METTL9: variants seen among roughly 807,000 people sequenced by gnomAD.
METTL9 encodes the protein methyltransferase 9, His-X-His N1(pi)-histidine.
Under a neutral mutation model 36.0 loss-of-function variants are expected in METTL9, and 10 were observed. The ratio of observed to expected loss-of-function variants is 0.28; its 90% CI spans 0.17 to 0.47. METTL9 has a LOEUF of 0.47. Among genes scored for constraint, METTL9 ranks in the 20% least tolerant of loss-of-function variants. METTL9 has a pLI of 0.99. For synonymous variants in METTL9, 175 were observed against 149.7 expected, an observed-to-expected ratio of 1.17 and a Z score of -1.23; for missense variants, 246 against 383.5, an observed-to-expected ratio of 0.64 and a Z score of 3.00.
chr16:21,600,117 G>C (rs1965076629), intron 1 of METTL9, among the ~76,000 whole-genome samples: 1 of 152,114 alleles, frequency 6.6e-6, no homozygotes, highest in Non-Finnish European at 1.5e-5. Context: ...TTGTTCCGCA[G>C]CGCAGGCGGG....
chr16:21,638,039 T>TGGGTGC (rs1966149870), intron 4 of METTL9, among the ~76,000 whole-genome samples: 1 of 152,208 alleles, frequency 6.6e-6, no homozygotes, highest in Admixed American at 6.5e-5. Flanking sequence ...CAGCTTAGGC[T>TGGGTGC]GGGTGCGGTG....
Position 21,647,253 on chromosome 16 carries a change from G to A in METTL9, c.752-7974G>A, listed in dbSNP as rs541756545. 5 of 1,614,146 alleles carry A rather than the reference G, an allele frequency of 3.1e-6. No individual in the cohort carries two copies. In the South Asian group the frequency reaches 5.5e-5, roughly 18 times the overall value. ...TTTGAAGTCACTCTGTTTACAGTGA[G>A]GGAAACTTGGTTTTCTTTGAGGGCC... On this transcript the variant is annotated intron_variant, in intron 4 of 4. Transcript: ENST00000358154.
At chr16:21,622,108 C>T (rs1435761937) in intron 3 of METTL9, among the ~76,000 whole-genome samples, 2 of 131,268 alleles carry the variant, frequency 1.5e-5, no homozygotes, top group South Asian at 2.4e-4. Flanking sequence ...TCCCAAAGTG[C>T]TAGGATTATA....
At chr16:21,637,826 G>A (rs1966144135) in intron 4 of METTL9, among the ~76,000 whole-genome samples, 1 of 152,270 alleles carries the variant, frequency 6.6e-6, no homozygotes, top group Non-Finnish European at 1.5e-5. Flanking sequence ...GCGGCGGGCT[G>A]AAGTGCTCCT....
intron 1 of METTL9, among the ~76,000 whole-genome samples, chr16:21,600,361 G>T (rs1057001581): frequency 1.3e-5 from 2 of 152,104 alleles, no homozygotes; most frequent in Non-Finnish European, 2.9e-5. Context: ...ATCCCAGAAC[G>T]TACAAAGGGT....
chr16:21,608,512 C>T (rs1467797557), intron 1 of METTL9, among the ~76,000 whole-genome samples: 3 of 152,118 alleles, frequency 2.0e-5, no homozygotes, highest in African/African-American at 4.8e-5. Flanking sequence ...CATAGTTAGG[C>T]TGGGATAGTG....
rs481016 is a variant in METTL9, at chr16:21,601,850, C to G, written c.165+1952C>G. On this transcript the variant is annotated intron_variant, in intron 1 of 4. Transcript: ENST00000358154. ...TGAATATTTGGGGGATGGGTCAACTCTTTTCCTTAGAATAATGAATCCAGA... is the reference window on the plus strand; with the variant it reads ...TGAATATTTGGGGGATGGGTCAACTGTTTTCCTTAGAATAATGAATCCAGA... Among the ~76,000 whole-genome samples, 1,333 of 151,818 alleles carry G rather than the reference C, an allele frequency of 8.8e-3. 45 individuals are homozygous for G. The highest frequency in any genetic ancestry group is 0.082 in the East Asian group (426 of 5,174).
intron 4 of METTL9, chr16:21,654,216 G>GT (rs1966653496): frequency 6.6e-6 from 1 of 151,688 alleles, no homozygotes; most frequent in Non-Finnish European, 1.5e-5. Flanking sequence ...TAATTTTTTT[G>GT]TATTTTTTTT....
chr16:21,643,969 A>G (rs1567344720), intron 4 of METTL9, among the ~76,000 whole-genome samples: 1 of 152,174 alleles, frequency 6.6e-6, no homozygotes, highest in Non-Finnish European at 1.5e-5. Context: ...TAACAGTAAT[A>G]TCTCGCCCTC....
At chr16:21,639,920 CTTTAT>C (rs1436082625) in intron 4 of METTL9, 112 of 147,560 alleles carry the variant, frequency 7.6e-4, no homozygotes, top group African/African-American at 2.5e-3. Flanking sequence ...AAAAGAAACA[CTTTAT>C]TTTATTTATT....
intron 4 of METTL9, chr16:21,643,281 T>C (rs1966327123): frequency 2.8e-6 from 2 of 705,754 alleles, no homozygotes; most frequent in Non-Finnish European, 5.0e-6. Context: ...CCAACACATA[T>C]GTGCCTACAG....
chr16:21,627,870 G>T (rs527238650), intron 4 of METTL9, among the ~76,000 whole-genome samples: 1 of 152,088 alleles, frequency 6.6e-6, no homozygotes, highest in Non-Finnish European at 1.5e-5. Context: ...GGAGAACGGC[G>T]TGAACCCAGG....
chr16:21,651,233 A>G (rs2141625278), intron 4 of METTL9, among the ~76,000 whole-genome samples: 1 of 152,276 alleles, frequency 6.6e-6, no homozygotes, highest in African/African-American at 2.4e-5. Context: ...AAACAAACAA[A>G]AAAGCCATAT....
chr16:21,610,907 A>G (rs1379526029), intron 1 of METTL9, among the ~76,000 whole-genome samples: 2 of 152,220 alleles, frequency 1.3e-5, no homozygotes, highest in East Asian at 1.9e-4. Flanking sequence ...AGTGGCCTCC[A>G]TATTACAGAG....
Position 21,656,365 on chromosome 16 carries a change from C to T in METTL9, c.*933C>T, listed in dbSNP as rs1412084557. ...AAAAATGTTTTAATTCAACTTCTTA[C>T]TCTACACTTATATACCTCTCTCCCA... On this transcript the variant is annotated 3_prime_UTR_variant, in exon 5 of 5. Transcript: ENST00000358154. 2 of 152,120 alleles carry T rather than the reference C, an allele frequency of 1.3e-5. No individual in the cohort carries two copies. Among genetic ancestry groups the T allele is most frequent in the African/African-American group, 4.8e-5 (2 of 41,424 alleles). 9.4% of individuals were successfully genotyped at this position (152,120 alleles called of 1,614,324 possible). A position where few individuals can be genotyped will look rare whatever the true frequency, so the allele number is the denominator to read the frequency against.
At chr16:21,618,144 T>G in intron 3 of METTL9, 70 bp downstream of exon 3, 1 of 1,121,252 alleles carries the variant, frequency 8.9e-7, no homozygotes, top group Non-Finnish European at 1.3e-6. Context: ...GAATAAAAAA[T>G]GATCTTCCAT....
intron 4 of METTL9, chr16:21,642,148 G>A (rs968362279): frequency 6.6e-6 from 1 of 150,960 alleles, no homozygotes; most frequent in Non-Finnish European, 1.5e-5. Flanking sequence ...TTCGTGAAGC[G>A]TTCCATATTT....
intron 1 of METTL9, among the ~76,000 whole-genome samples, chr16:21,605,275 TTTTTTTTTTTTTTTTTTTTTTG>T (rs1965251474): frequency 8.5e-6 from 1 of 118,310 alleles, no homozygotes; most frequent in Admixed American, 8.4e-5. Flanking sequence ...TTTTTTTTTT[TTTTTTTTTTTTTTTTTTTTTTG>T]AGAAACAAGT....
At chr16:21,630,027 CAG>C (rs1261350664) in intron 4 of METTL9, among the ~76,000 whole-genome samples, 2 of 152,182 alleles carry the variant, frequency 1.3e-5, no homozygotes, top group Non-Finnish European at 2.9e-5. Flanking sequence ...TAGCTAGACA[CAG>C]AGTGCTGATT....
Sources: gnomAD v4.1 joint callset for allele counts (sites outside exome capture counted in the v4.1 genomes callset) on GRCh38, gnomAD v4.1.1 for gene constraint, MANE v1.5 for transcripts, NCBI Gene and HGNC (gene_info 2026-07-23, HGNC 2026-07-21) for gene names.